Variants in PAH observed in about 807,000 individuals in gnomAD.
PAH encodes the protein phenylalanine-4-hydroxylase.
Under a neutral mutation model 62.0 loss-of-function variants are expected in PAH, and 64 were observed. The observed-to-expected ratio is 1.03, with a 90% CI of 0.84 to 1.27. The LOEUF is 1.27. Ranked by LOEUF, PAH falls within the 50% of genes most tolerant of loss-of-function variation. PAH has a pLI of 0.00. For synonymous variants in PAH, 195 were observed against 196.2 expected (o/e 0.99, Z 0.05); for missense variants, 579 against 542.8 (o/e 1.07, Z -0.66).
At chr12:102,900,330 T>C (rs1877702540) in intron 2 of PAH, among the ~76,000 whole-genome samples, 1 of 152,168 alleles carries the variant, frequency 6.6e-6, no homozygotes, top group Non-Finnish European at 1.5e-5. Context: ...ATTACAGGCG[T>C]GAGCCACTGT....
At chr12:102,906,692 C>T (rs1877989576) in intron 2 of PAH, among the ~76,000 whole-genome samples, 3 of 152,134 alleles carry the variant, frequency 2.0e-5, no homozygotes, top group African/African-American at 7.2e-5. Flanking sequence ...ATCTTTAGAT[C>T]ACATGCATTA....
At chr12:102,870,513 GC>G (rs1876262504) in intron 4 of PAH, among the ~76,000 whole-genome samples, 1 of 152,152 alleles carries the variant, frequency 6.6e-6, no homozygotes, top group South Asian at 2.1e-4. Context: ...AAAGCATGAT[GC>G]ATTTGTGCAA....
intron 5 of PAH, among the ~76,000 whole-genome samples, chr12:102,861,804 G>A (rs964829668): frequency 7.2e-5 from 11 of 152,036 alleles, no homozygotes; most frequent in African/African-American, 2.7e-4. Flanking sequence ...ACACAGGAAG[G>A]GGAACATCAC....
intron 4 of PAH, among the ~76,000 whole-genome samples, chr12:102,869,606 A>C (rs985305382): frequency 7.9e-5 from 12 of 152,238 alleles, no homozygotes; most frequent in African/African-American, 2.9e-4. Context: ...TGCACTATAC[A>C]GATCTTCCAT....
chr12:102,894,430 A>AG (rs1491372217), intron 3 of PAH, among the ~76,000 whole-genome samples: 1 of 22,744 alleles, frequency 4.4e-5, no homozygotes, highest in African/African-American at 5.9e-5. Context: ...CTTATAAAGT[A>AG]AAAAAAAAAA....
At chr12:102,949,007 A>T (rs1415139707) in intron 1 of PAH, among the ~76,000 whole-genome samples, 1 of 152,192 alleles carries the variant, frequency 6.6e-6, no homozygotes, top group Non-Finnish European at 1.5e-5. Context: ...TCGCAGTCCC[A>T]GCTGCAGTTT....
exon 1 of PAH, chr12:102,958,259 C>T: frequency 6.8e-7 from 1 of 1,474,850 alleles, no homozygotes; most frequent in Non-Finnish European, 8.9e-7. Context: ...AAAGCTCTGC[C>T]AAGATGGAGA....
intron 5 of PAH, among the ~76,000 whole-genome samples, chr12:102,860,116 TCAACTTCAG>T (rs903108024): frequency 1.3e-5 from 2 of 152,078 alleles, no homozygotes; most frequent in Non-Finnish European, 2.9e-5. Flanking sequence ...AAGCTGATAA[TCAACTTCAG>T]CAAAGTCTCA....
At chr12:102,907,514 G>A (rs1480749219) in intron 2 of PAH, among the ~76,000 whole-genome samples, 1 of 152,134 alleles carries the variant, frequency 6.6e-6, no homozygotes, top group Non-Finnish European at 1.5e-5. Context: ...TAAATGAAGA[G>A]TCATATGTGC....
intron 4 of PAH, among the ~76,000 whole-genome samples, chr12:102,873,748 G>C (rs1876454639): frequency 6.6e-6 from 1 of 152,130 alleles, no homozygotes; most frequent in Non-Finnish European, 1.5e-5. Context: ...AGATAATGTT[G>C]CTAGGTATTT....
chr12:102,848,995 G>A, intron 8 of PAH, among the ~76,000 whole-genome samples: 1 of 152,170 alleles, frequency 6.6e-6, no homozygotes. Context: ...GAGGCTGAGT[G>A]TAGACAGAAC....
chr12:102,958,253 C>A, exon 1 of PAH: 1 of 1,473,216 alleles, frequency 6.8e-7, no homozygotes. Context: ...GCATGGAAAG[C>A]TCTGCCAAGA....
intron 1 of PAH, among the ~76,000 whole-genome samples, chr12:102,935,690 A>G (rs1474607119): frequency 6.6e-6 from 1 of 151,998 alleles, no homozygotes; most frequent in Non-Finnish European, 1.5e-5. Flanking sequence ...ACAGTTGCTC[A>G]TTGTAGCCTC....
chr12:102,843,569 TG>T, intron 11 of PAH, 76 bp downstream of exon 11: 1 of 1,520,094 alleles, frequency 6.6e-7, no homozygotes, highest in Non-Finnish European at 9.1e-7. Flanking sequence ...TCCACTCTCC[TG>T]GCCAACCACC....
chr12:102,945,795 C>A (rs563243878), intron 1 of PAH, among the ~76,000 whole-genome samples: 2 of 152,122 alleles, frequency 1.3e-5, no homozygotes, highest in Admixed American at 6.5e-5. Flanking sequence ...TACCCCACTG[C>A]GGCCAACCTC....
At chr12:102,945,065 T>C (rs1879440441) in intron 1 of PAH, 1 of 152,268 alleles carries the variant, frequency 6.6e-6, no homozygotes, top group African/African-American at 2.4e-5. Context: ...AGAAGAATTA[T>C]CTGGATTACC....
intron 7 of PAH, 42 bp from the exon 8 acceptor site, chr12:102,851,798 T>G: frequency 6.6e-7 from 1 of 1,508,294 alleles, no homozygotes. Context: ...GGGAGGAGGT[T>G]TAAGCCAAGC....
At chr12:102,883,695 G>A in intron 3 of PAH, among the ~76,000 whole-genome samples, 1 of 152,186 alleles carries the variant, frequency 6.6e-6, no homozygotes, top group Non-Finnish European at 1.5e-5. Flanking sequence ...AGGCTGCAGG[G>A]TGCTCACCTG....
chr12:102,935,614 A>G (rs1341945763), intron 1 of PAH, among the ~76,000 whole-genome samples: 2 of 151,984 alleles, frequency 1.3e-5, no homozygotes, highest in African/African-American at 4.8e-5. Flanking sequence ...TCATGGTTCA[A>G]TATTGGTAGG....
Sources: allele counts gnomAD v4.1 joint callset (sites outside exome capture counted in the v4.1 genomes callset), GRCh38; gene constraint gnomAD v4.1.1; transcripts MANE v1.5; gene names NCBI Gene and HGNC (gene_info 2026-07-23, HGNC 2026-07-21).